Variants in CUX2 observed in about 807,000 individuals in gnomAD.
CUX2 encodes cut like homeobox 2.
Under a neutral mutation model 144.8 loss-of-function variants are expected in CUX2, and 40 were observed. That is an observed-to-expected ratio of 0.28 (90% confidence interval 0.21 to 0.36). The LOEUF (loss-of-function observed/expected upper bound fraction) is 0.36, where lower values mean the gene tolerates loss of function less well. CUX2 is among the 10% of genes least tolerant of loss of function. CUX2 has a pLI of 1.00. For missense variants in CUX2, 1,615 were observed against 1,994.0 expected (o/e 0.81, Z 3.62); for synonymous variants, 827 against 875.6 (o/e 0.94, Z 0.98).
chr12:111,288,888 A>G (rs2136326889), intron 4 of CUX2, among the ~76,000 whole-genome samples: 1 of 152,270 alleles, frequency 6.6e-6, no homozygotes, highest in South Asian at 2.1e-4. Context: ...GCTTGAACTC[A>G]GGAGGCGGAG....
chr12:111,244,649 G>A (rs920186082), intron 3 of CUX2, among the ~76,000 whole-genome samples: 2 of 152,160 alleles, frequency 1.3e-5, no homozygotes, highest in East Asian at 1.9e-4. Context: ...CTACTTACAG[G>A]TAATGCTGGG....
At chr12:111,140,973 C>G (rs1243969451) in intron 1 of CUX2, among the ~76,000 whole-genome samples, 3 of 152,068 alleles carry the variant, frequency 2.0e-5, no homozygotes, top group Non-Finnish European at 4.4e-5. Flanking sequence ...TAGTGTCGTT[C>G]TGAAGATTGA....
chr12:111,306,927 G>T lies in CUX2; in HGVS notation c.865G>T (p.Val289Leu). ...CSPQGPSGDK[V>L]NFTLCSGPRL... is the part of the protein sequence containing the mutation. ...AAGACCCCTTTGCCTGCAGGATAAG[G>T]TGAACTTCACTCTGTGCTCGGGCCC... The change falls in exon 11 of 22, where the codon GTG becomes TTG. Residue 289 changes from valine to leucine, a missense_variant. Coordinates refer to ENST00000261726, the MANE Select transcript of CUX2 (RefSeq NM_015267.4). 6.3e-7 allele frequency: 1 copy of T among 1,599,954 alleles called. No individual in the cohort carries two copies. The highest frequency in any genetic ancestry group is 2.2e-5 in the East Asian group (1 of 44,588).
At chr12:111,249,919 A>G (rs1035029207) in intron 3 of CUX2, among the ~76,000 whole-genome samples, 8 of 152,188 alleles carry the variant, frequency 5.3e-5, no homozygotes, top group African/African-American at 1.9e-4. Context: ...AACCAGTGTC[A>G]AGACACAATT....
chr12:111,226,163 C>T (rs146039197), intron 3 of CUX2, among the ~76,000 whole-genome samples: 9,867 of 152,300 alleles, frequency 0.065, 338 homozygotes, highest in South Asian at 0.11. Context: ...AGGCTGGTCT[C>T]GAGCTCCTAG....
At chr12:111,146,678 G>A (rs958675519) in intron 1 of CUX2, among the ~76,000 whole-genome samples, 1 of 152,198 alleles carries the variant, frequency 6.6e-6, no homozygotes, top group Admixed American at 6.5e-5. Context: ...GGGTGTGAGA[G>A]GTTAAATTCC....
chr12:111,195,182 T>C (rs898492909), intron 1 of CUX2, among the ~76,000 whole-genome samples: 2 of 152,218 alleles, frequency 1.3e-5, no homozygotes, highest in African/African-American at 4.8e-5. Flanking sequence ...AAAAAGAGCA[T>C]GTGAAACCAC....
rs1886832428 is a variant in CUX2, at chr12:111,310,386, C to T, written c.1604C>T (p.Pro535Leu). 5 of 1,604,146 alleles carry T rather than the reference C, an allele frequency of 3.1e-6. No homozygotes were observed. The South Asian group carries it at 4.4e-5, about 14-fold the overall frequency. ...PGPEPLGGPE[P>L]ADGGGGGAAG... ...CCTGAGCCACTGGGCGGTCCTGAGC[C>T]CGCGGATGGTGGTGGGGGCGGAGCG... Residue 535 changes from proline (P) to leucine (L), a missense_variant, in exon 15 of 22, where the codon CCC becomes CTC. Pro to Leu is a moderately conservative substitution (Grantham distance 98). Around this residue, in one of 12 missense-constraint regions of CUX2, gnomAD observed 154 missense variants for 148.4 expected, o/e 1.04. Transcript: ENST00000261726. This position sits in a 1 kb window ranked among gnomAD's most constrained non-coding sequence, Gnocchi z 7.9.
In CUX2 at chr12:111,312,046, G is replaced by A. The variant is rs1202597888; in HGVS notation, c.1901-54G>A. The A allele has an allele frequency of 1.6e-5, 24 of 1,534,970 alleles. No individual in the cohort carries two copies. Among genetic ancestry groups the A allele is most frequent in the Admixed American group, 9.0e-5 (5 of 55,838 alleles). ...CAGCCCCCCTACCCCACCAGGCTCC[G>A]GAGACTGAGCCCAACATGCAGATCC... On this transcript the variant is annotated intron_variant, in intron 15 of 21. Transcript: ENST00000261726. This position sits in a 1 kb window ranked among gnomAD's most constrained non-coding sequence, Gnocchi z 4.3.
chr12:111,083,664 C>T (rs1048390451), intron 1 of CUX2, among the ~76,000 whole-genome samples: 24 of 152,094 alleles, frequency 1.6e-4, no homozygotes, highest in African/African-American at 5.6e-4. Context: ...TGCTGTGTCT[C>T]GGATTCCATG....
intron 1 of CUX2, among the ~76,000 whole-genome samples, chr12:111,044,023 C>T (rs1169402285): frequency 6.6e-6 from 1 of 152,174 alleles, no homozygotes; most frequent in African/African-American, 2.4e-5. Flanking sequence ...ACACACGGGA[C>T]CCCTCTGCTA....
intron 5 of CUX2, among the ~76,000 whole-genome samples, chr12:111,292,315 G>A (rs1344563002): frequency 6.6e-6 from 1 of 152,110 alleles, no homozygotes; most frequent in Non-Finnish European, 1.5e-5. Flanking sequence ...GTGCTGGCCA[G>A]GTGCAGTGGC....
intron 1 of CUX2, among the ~76,000 whole-genome samples, chr12:111,175,400 T>C (rs1474819351): frequency 6.7e-6 from 1 of 148,762 alleles, no homozygotes; most frequent in African/African-American, 2.5e-5. Context: ...TAGGGAACCT[T>C]CCTCAAAGTG....
chr12:111,040,081 G>GT (rs1157630577), intron 1 of CUX2, among the ~76,000 whole-genome samples: 1 of 151,930 alleles, frequency 6.6e-6, no homozygotes, highest in East Asian at 1.9e-4. Flanking sequence ...GAGGCCAGGA[G>GT]TTTGAGACCA....
At chr12:111,055,593 G>A (rs1329149689) in intron 1 of CUX2, among the ~76,000 whole-genome samples, 1 of 152,262 alleles carries the variant, frequency 6.6e-6, no homozygotes, top group Non-Finnish European at 1.5e-5. Context: ...CTCCCTGGAG[G>A]GGGCGAGGAG....
rs1315522941 is a variant in CUX2 at position 111,308,324 on chromosome 12, C to T, written c.1149C>T (p.Ser383=). ...TGAAGCTGGCCTCCAGCACCTGCAG[C>T]CTCCCCCAGGTAAGTGTCCCTGCCA... The part of the protein sequence containing the change: ...KAMKLASSTC[S]LPQGMAKPED... The change falls in exon 13 of 22, where the codon AGC becomes AGT. Residue 383 remains serine (S), a synonymous_variant. Transcript: ENST00000261726. The T allele has an allele frequency of 1.9e-6, 3 of 1,614,052 alleles. No homozygotes were observed. The highest frequency in any genetic ancestry group is 2.2e-5 in the South Asian group (2 of 91,086).
At chr12:111,121,501 C>T (rs1874690021) in intron 1 of CUX2, among the ~76,000 whole-genome samples, 1 of 150,770 alleles carries the variant, frequency 6.6e-6, no homozygotes, top group African/African-American at 2.4e-5. Context: ...CTCAGCCTCC[C>T]GAGTAGCTGG....
intron 20 of CUX2, among the ~76,000 whole-genome samples, chr12:111,341,333 C>T (rs189108484): frequency 6.6e-6 from 1 of 152,248 alleles, no homozygotes; most frequent in East Asian, 1.9e-4. Context: ...TGGTGGTTCA[C>T]ACCTGTAATC....
intron 1 of CUX2, among the ~76,000 whole-genome samples, chr12:111,074,288 A>G (rs1318998431): frequency 2.0e-5 from 3 of 151,974 alleles, no homozygotes; most frequent in Non-Finnish European, 4.4e-5. Context: ...GCCCCACCCC[A>G]GGTCTCTCGA....
Sources: allele counts gnomAD v4.1 joint callset (sites outside exome capture counted in the v4.1 genomes callset), GRCh38; gene constraint gnomAD v4.1.1; regional missense constraint gnomAD v4.1.1; non-coding constraint Gnocchi (gnomAD v3.1); transcripts MANE v1.5; gene names NCBI Gene and HGNC (gene_info 2026-07-23, HGNC 2026-07-21).